Variants in ULK4 observed in about 807,000 individuals in gnomAD.
ULK4 encodes the protein unc-51 like kinase 4, also known as inactive serine/threonine-protein kinase ULK4.
ULK4 carries 133 observed loss-of-function variants against 160.6 expected under a neutral mutation model. That is an observed-to-expected ratio of 0.83 (90% CI 0.72 to 0.96). The LOEUF (loss-of-function observed/expected upper bound fraction) is 0.96. Ranked by LOEUF, ULK4 falls within the 40% of genes least tolerant of loss-of-function variation. ULK4 has a pLI of 0.00. For missense variants in ULK4, 1,580 were observed against 1,499.5 expected (o/e 1.05, Z -0.89); for synonymous variants, 534 against 539.8 (o/e 0.99, Z 0.15).
At chr3:41,548,978 A>G (rs1393884031) in intron 32 of ULK4, among the ~76,000 whole-genome samples, 1 of 152,188 alleles carries the variant, frequency 6.6e-6, no homozygotes, top group Non-Finnish European at 1.5e-5. Context: ...ACACTGCTGC[A>G]TGAACCCTGA....
At chr3:41,313,923 C>G (rs114267275) in intron 35 of ULK4, among the ~76,000 whole-genome samples, 116 of 152,250 alleles carry the variant, frequency 7.6e-4, no homozygotes, top group Non-Finnish European at 1.4e-3. Context: ...CTCTAGAGCT[C>G]GTGAGATGGC....
chr3:41,431,547 C>CTTTTTTTTTTT (rs1553664758), intron 34 of ULK4, among the ~76,000 whole-genome samples: 28 of 95,854 alleles, frequency 2.9e-4, no homozygotes, highest in African/African-American at 7.2e-4. Flanking sequence ...AATTCCCTCC[C>CTTTTTTTTTTT]TTTTTTTTTT....
chr3:41,913,787 AC>A (rs970249903), intron 8 of ULK4, among the ~76,000 whole-genome samples: 2 of 151,940 alleles, frequency 1.3e-5, no homozygotes, highest in African/African-American at 2.4e-5. Context: ...ATGTGGCAAA[AC>A]CCCATCTCTA....
At chr3:41,270,669 G>T (rs1449009767) in intron 35 of ULK4, among the ~76,000 whole-genome samples, 1 of 152,162 alleles carries the variant, frequency 6.6e-6, no homozygotes, top group Non-Finnish European at 1.5e-5. Context: ...TGAAAACTTA[G>T]AAATGAATTA....
At chr3:41,734,509 A>C (rs1344766399) in intron 22 of ULK4, among the ~76,000 whole-genome samples, 2 of 152,206 alleles carry the variant, frequency 1.3e-5, no homozygotes, top group Non-Finnish European at 2.9e-5. Flanking sequence ...ATCTAAGTGT[A>C]TATCAGCACA....
At chr3:41,770,998 T>C (rs540862935) in intron 21 of ULK4, among the ~76,000 whole-genome samples, 55 of 152,284 alleles carry the variant, frequency 3.6e-4, no homozygotes, top group African/African-American at 1.3e-3. Flanking sequence ...GACCTGTAGA[T>C]TGAAAGATGA....
intron 21 of ULK4, among the ~76,000 whole-genome samples, chr3:41,755,407 A>G (rs1398487529): frequency 6.6e-6 from 1 of 152,178 alleles, no homozygotes. Flanking sequence ...AAACATATCT[A>G]AGCATCAGTC....
In ULK4 at chr3:41,774,021, G is replaced by A. The variant is rs561534628; in HGVS notation, c.2193+15640C>T. ...TGCTGGGAAAACTGGCTAGCCATATGTAGAAAGCTGAAACTGGATCCCTTC... is the reference window on the plus strand; with the variant it reads ...TGCTGGGAAAACTGGCTAGCCATATATAGAAAGCTGAAACTGGATCCCTTC... On this transcript the variant is annotated intron_variant, in intron 21 of 36. Transcript: ENST00000301831. Among the ~76,000 whole-genome samples, 829 of 152,306 alleles carry A rather than the reference G, an allele frequency of 5.4e-3. 9 individuals carry two copies. The highest frequency in any genetic ancestry group is 0.019 in the African/African-American group (796 of 41,546).
chr3:41,468,355 C>T (rs530749332), intron 32 of ULK4, among the ~76,000 whole-genome samples: 16 of 152,006 alleles, frequency 1.1e-4, no homozygotes, highest in Non-Finnish European at 2.2e-4. Context: ...CAAACAGGGG[C>T]AAGGATTTAC....
intron 21 of ULK4, among the ~76,000 whole-genome samples, chr3:41,768,927 A>G (rs941291100): frequency 2.0e-4 from 30 of 152,182 alleles, no homozygotes; most frequent in African/African-American, 6.3e-4. Flanking sequence ...TCAACTTACA[A>G]TAAGGTTACA....
rs189463444 is a variant in ULK4, at chr3:41,368,820, G to A, written c.3678+29259C>T. Among the ~76,000 whole-genome samples, 372 of 151,522 alleles carry A rather than the reference G, an allele frequency of 2.5e-3. 7 individuals carry two copies. Among genetic ancestry groups the A allele is most frequent in the African/African-American group, 8.9e-3 (368 of 41,264 alleles). ...ACATTTGAGTTGTCCCTACTTTTTG[G>A]CTATTATGAACAATGTTGTTATGAA... On this transcript the variant is annotated intron_variant, in intron 35 of 36. Coordinates refer to ENST00000301831, the MANE Select transcript of ULK4 (RefSeq NM_017886.4).
intron 21 of ULK4, among the ~76,000 whole-genome samples, chr3:41,767,240 TG>T: frequency 6.6e-6 from 1 of 152,326 alleles, no homozygotes; most frequent in Middle Eastern, 3.4e-3. Flanking sequence ...AATGTATTCA[TG>T]TAAGTTACAA....
chr3:41,912,684 C>T (rs953401698), intron 9 of ULK4, 123 bp downstream of exon 9: 7 of 777,916 alleles, frequency 9.0e-6, no homozygotes, highest in Middle Eastern at 2.4e-4. Flanking sequence ...ATTAAACAAA[C>T]GCTGGATTTT....
At chr3:41,493,691 TAAAC>T (rs2084879325) in intron 32 of ULK4, among the ~76,000 whole-genome samples, 1 of 150,538 alleles carries the variant, frequency 6.6e-6, no homozygotes, top group African/African-American at 2.4e-5. Context: ...GCAAGACTAA[TAAAC>T]AAAAAAAGAG....
rs574025408 is a variant in ULK4, at chr3:41,442,139, G to T, written c.3492+13358C>A. Among the ~76,000 whole-genome samples, 8 of 152,224 alleles carry T rather than the reference G, an allele frequency of 5.3e-5. No homozygotes were observed. The Middle Eastern group carries it at 0.024, about 453-fold the overall frequency. ...CCAAAATGGGGAAAAATGGAAAAAA[G>T]GCCCCAAAGTGGACTGTTAGCTGAT... On this transcript the variant is annotated intron_variant, in intron 34 of 36. Transcript: ENST00000301831.
intron 34 of ULK4, among the ~76,000 whole-genome samples, chr3:41,404,224 T>C (rs9831275): frequency 0.38 from 50,797 of 133,756 alleles, 9,581 homozygotes; most frequent in South Asian, 0.54. Context: ...TTTAGCTCTA[T>C]CATTTTTTTT....
intron 16 of ULK4, among the ~76,000 whole-genome samples, chr3:41,895,180 T>C (rs1698112005): frequency 6.6e-6 from 1 of 152,088 alleles, no homozygotes; most frequent in African/African-American, 2.4e-5. Flanking sequence ...GAGTCAGAGA[T>C]GGGAGAATCA....
At chr3:41,809,855 T>C (rs1173825346) in intron 19 of ULK4, among the ~76,000 whole-genome samples, 2 of 152,234 alleles carry the variant, frequency 1.3e-5, no homozygotes, top group Admixed American at 6.5e-5. Context: ...TATTGGGATG[T>C]TGACTGAGAG....
chr3:41,881,711 T>C (rs368467270), intron 17 of ULK4, among the ~76,000 whole-genome samples: 3 of 152,296 alleles, frequency 2.0e-5, no homozygotes, highest in African/African-American at 4.8e-5. Context: ...CAAATAAGTA[T>C]GATTTTCCCT....
Sources: gnomAD v4.1 joint callset for allele counts (sites outside exome capture counted in the v4.1 genomes callset) on GRCh38, gnomAD v4.1.1 for gene constraint, MANE v1.5 for transcripts, NCBI Gene and HGNC (gene_info 2026-07-23, HGNC 2026-07-21) for gene names.